Variants in ZFHX3 observed in about 807,000 individuals in gnomAD.
ZFHX3 encodes the protein zinc finger homeobox 3.
ZFHX3 carries 42 observed loss-of-function variants against 279.1 expected under a neutral mutation model. The observed-to-expected ratio is 0.15, with a 90% CI of 0.12 to 0.19. The LOEUF (loss-of-function observed/expected upper bound fraction) is 0.19, where lower values mean the gene tolerates loss of function less well. Among genes scored for constraint, ZFHX3 ranks in the 10% least tolerant of loss-of-function variants. The pLI is 1.00. For missense variants in ZFHX3, 4,981 were observed against 4,754.0 expected (o/e 1.05, Z -1.40); for synonymous variants, 2,293 against 1,957.8 (o/e 1.17, Z -4.52).
intron 2 of ZFHX3, among the ~76,000 whole-genome samples, chr16:73,560,504 T>C (rs705893): frequency 0.52 from 79,483 of 152,074 alleles, 21,889 homozygotes; most frequent in Non-Finnish European, 0.61. Flanking sequence ...TCTCTTATAT[T>C]ACCCCATCAA....
chr16:73,816,491 T>C (rs2142343220), intron 1 of ZFHX3, among the ~76,000 whole-genome samples: 1 of 152,322 alleles, frequency 6.6e-6, no homozygotes, highest in African/African-American at 2.4e-5. Context: ...TGTGGCTGCT[T>C]TCACTTTGCA....
intron 7 of ZFHX3, among the ~76,000 whole-genome samples, chr16:73,095,025 T>G (rs1019092259): frequency 3.9e-5 from 6 of 152,158 alleles, no homozygotes; most frequent in African/African-American, 1.4e-4. Flanking sequence ...TGTGAAGTCT[T>G]CATAGATAAA....
chr16:73,779,699 CT>C (rs1959385438), intron 1 of ZFHX3, among the ~76,000 whole-genome samples: 1 of 152,170 alleles, frequency 6.6e-6, no homozygotes, highest in Admixed American at 6.6e-5. Flanking sequence ...ACAAAGATAC[CT>C]TTGATGAAAC....
At position 72,959,210 on chromosome 16, in the gene ZFHX3, G is replaced by C. The variant is rs145953885; in HGVS notation, c.936C>G (p.Asp312Glu). The stretch of plus-strand genomic sequence containing the variant: ...TCTTATTGCTAAGAATTTTCCGCTC[G>C]TCTTCGCTCAGGGTCATTCGATGGT... ...VHDHRMTLSE[D>E]ERKILSNKNI... The change falls in exon 2 of 10, where the codon GAC (aspartate) becomes GAG (glutamate). Residue 312 changes from aspartate (D) to glutamate (E), a missense_variant. Asp to Glu is a conservative substitution (Grantham distance 45, BLOSUM62 2). This residue lies in a region of ZFHX3 where 1,068 missense variants were observed against 935.2 expected (regional missense o/e 1.14). Coordinates refer to ENST00000268489, the MANE Select transcript of ZFHX3 (RefSeq NM_006885.4). The C allele has an allele frequency of 1.9e-6, 3 of 1,614,060 alleles. No homozygotes were observed. The highest frequency in any genetic ancestry group is 3.3e-5 in the Admixed American group (2 of 60,004).
chr16:73,756,731 C>A (rs917257959), intron 1 of ZFHX3, among the ~76,000 whole-genome samples: 1 of 150,880 alleles, frequency 6.6e-6, no homozygotes, highest in Non-Finnish European at 1.5e-5. Flanking sequence ...GCCCCACCCC[C>A]GCTCCTAACA....
chr16:73,622,832 C>A (rs2052377574), intron 2 of ZFHX3, among the ~76,000 whole-genome samples: 2 of 152,146 alleles, frequency 1.3e-5, no homozygotes, highest in South Asian at 4.2e-4. Context: ...CTGCGAATTT[C>A]CCTAAAATAA....
At chr16:73,465,836 C>A (rs1309440587) in intron 2 of ZFHX3, among the ~76,000 whole-genome samples, 1 of 152,136 alleles carries the variant, frequency 6.6e-6, no homozygotes, top group African/African-American at 2.4e-5. Flanking sequence ...GACTGTGAGA[C>A]TAAGTTCCAG....
chr16:73,254,532 T>C (rs1001792733), intron 5 of ZFHX3, among the ~76,000 whole-genome samples: 1 of 151,972 alleles, frequency 6.6e-6, no homozygotes, highest in Non-Finnish European at 1.5e-5. Context: ...TTTGAAATAA[T>C]GATAGATTCA....
Position 73,747,959 on chromosome 16 carries a change from T to A in ZFHX3, c.-1607-67719A>T, listed in dbSNP as rs147076195. On this transcript the variant is annotated intron_variant, in intron 1 of 17. Coordinates refer to the ZFHX3 transcript ENST00000641206. ...CGCACATAAACTGTCAATTTTGTTATCATAAAGCTAAATGGAACCTGTCAA... is the reference window on the plus strand; with the variant it reads ...CGCACATAAACTGTCAATTTTGTTAACATAAAGCTAAATGGAACCTGTCAA... Among the ~76,000 whole-genome samples the A allele has an allele frequency of 6.7e-3, 1,019 of 152,296 alleles. 11 individuals carry two copies. Among genetic ancestry groups the A allele is most frequent in the African/African-American group, 0.023 (958 of 41,578 alleles).
At chr16:73,734,447 T>G (rs1330792104) in intron 1 of ZFHX3, among the ~76,000 whole-genome samples, 1 of 152,236 alleles carries the variant, frequency 6.6e-6, no homozygotes, top group Non-Finnish European at 1.5e-5. Flanking sequence ...CTGAGTTTTA[T>G]CTCATAAATT....
chr16:73,435,520 T>C (rs988053027), intron 3 of ZFHX3, among the ~76,000 whole-genome samples: 1 of 152,144 alleles, frequency 6.6e-6, no homozygotes, highest in Non-Finnish European at 1.5e-5. Flanking sequence ...CAATTCATTC[T>C]TTGTGGTGGG....
At chr16:73,168,316 C>T (rs545779132) in intron 5 of ZFHX3, among the ~76,000 whole-genome samples, 1 of 150,564 alleles carries the variant, frequency 6.6e-6, no homozygotes. Flanking sequence ...CGCTGGAGTG[C>T]AGTGGTGTGA....
chr16:73,682,645 G>A (rs1051449961), intron 1 of ZFHX3, among the ~76,000 whole-genome samples: 3 of 151,688 alleles, frequency 2.0e-5, no homozygotes, highest in East Asian at 1.9e-4. Flanking sequence ...AAATGAGCCG[G>A]TCATGGTGGC....
In ZFHX3 at chr16:73,143,852, C is replaced by T. The variant is rs368858188; in HGVS notation, c.-1103-21G>A. ...CCGAGCTGAAGAAGAAAAGAAAGGA[C>T]AAAAACACGGTTGGGGAGATGTTTG... is the stretch of plus-strand genomic sequence containing the variant. On this transcript the variant is annotated intron_variant, in intron 5 of 17. Transcript: ENST00000641206. 5.0e-6 allele frequency: 6 copies of T among 1,194,956 alleles called. No homozygotes were observed. The East Asian group carries it at 3.4e-4, about 69-fold the overall frequency. The allele number at this position is 1,194,956 out of a possible 1,614,324, so 74.0% of individuals were successfully genotyped here.
chr16:73,363,887 A>G (rs529216415), intron 3 of ZFHX3, among the ~76,000 whole-genome samples: 1 of 152,270 alleles, frequency 6.6e-6, no homozygotes, highest in South Asian at 2.1e-4. Context: ...GTAGGTAGCT[A>G]CAGTTCTGGG....
intron 3 of ZFHX3, among the ~76,000 whole-genome samples, chr16:73,430,496 T>C (rs2017891066): frequency 6.6e-6 from 1 of 152,034 alleles, no homozygotes; most frequent in Admixed American, 6.6e-5. Context: ...ACAAAACAGA[T>C]CAAAAGAAAA....
intron 3 of ZFHX3, chr16:73,400,853 C>G (rs148856591): frequency 1.8e-4 from 28 of 152,288 alleles, no homozygotes; most frequent in African/African-American, 6.0e-4. Context: ...GCAAAAGCCA[C>G]TTATTACCTT....
At chr16:73,207,388 G>A (rs567292788) in intron 5 of ZFHX3, among the ~76,000 whole-genome samples, 1 of 152,198 alleles carries the variant, frequency 6.6e-6, no homozygotes, top group Non-Finnish European at 1.5e-5. Context: ...GTTTACCAAT[G>A]TAGGATATAA....
At chr16:73,371,992 G>A (rs546717353) in intron 3 of ZFHX3, among the ~76,000 whole-genome samples, 62 of 152,292 alleles carry the variant, frequency 4.1e-4, no homozygotes, top group African/African-American at 1.4e-3. Flanking sequence ...CATGTCACGC[G>A]AATTTTTCTA....
Sources: gnomAD v4.1 joint callset for allele counts (sites outside exome capture counted in the v4.1 genomes callset) on GRCh38, gnomAD v4.1.1 for gene constraint, gnomAD v4.1.1 regional missense constraint, MANE v1.5 for transcripts, NCBI Gene and HGNC (gene_info 2026-07-23, HGNC 2026-07-21) for gene names.